The following RUNDC3B variants were observed in gnomAD, a reference collection of about 807,000 sequenced individuals.
RUNDC3B encodes RUN domain-containing protein 3B.
A neutral mutation model predicts 58.4 loss-of-function variants in RUNDC3B; 33 were observed. That is an observed-to-expected ratio of 0.56 (90% CI 0.43 to 0.75). The LOEUF (loss-of-function observed/expected upper bound fraction) is 0.75. Among genes scored for constraint, RUNDC3B ranks in the 30% least tolerant of loss-of-function variants. The pLI, the probability that RUNDC3B is intolerant of heterozygous loss-of-function variation, is 0.00. For missense variants in RUNDC3B, 501 were observed against 535.7 expected (o/e 0.94, Z 0.64); for synonymous variants, 193 against 195.2 (o/e 0.99, Z 0.10).
At chr7:87,760,824 A>C (rs1833639213) in intron 6 of RUNDC3B, among the ~76,000 whole-genome samples, 1 of 152,026 alleles carries the variant, frequency 6.6e-6, no homozygotes, top group Non-Finnish European at 1.5e-5. Flanking sequence ...TGCAAAAATT[A>C]ATTCAAAAAT....
At chr7:87,822,226 A>C (rs1563233484) in intron 10 of RUNDC3B, among the ~76,000 whole-genome samples, 1 of 152,238 alleles carries the variant, frequency 6.6e-6, no homozygotes, top group Non-Finnish European at 1.5e-5. Context: ...AAGTGGGCGA[A>C]GGACATGAAC....
intron 6 of RUNDC3B, among the ~76,000 whole-genome samples, chr7:87,760,254 C>A (rs964916806): frequency 1.3e-5 from 2 of 151,876 alleles, no homozygotes; most frequent in Non-Finnish European, 2.9e-5. Flanking sequence ...GACTGAGGAA[C>A]TGAATTTTTC....
chr7:87,742,494 T>C (rs1832382665), intron 6 of RUNDC3B, among the ~76,000 whole-genome samples: 1 of 152,120 alleles, frequency 6.6e-6, no homozygotes, highest in African/African-American at 2.4e-5. Flanking sequence ...CTTAGAATAA[T>C]AGTCTCCAAT....
chr7:87,776,110 T>C (rs1334860204), intron 7 of RUNDC3B, among the ~76,000 whole-genome samples: 2 of 152,068 alleles, frequency 1.3e-5, no homozygotes, highest in Non-Finnish European at 2.9e-5. Context: ...ATAAAACCAA[T>C]AGTAAGAACA....
chr7:87,774,283 ATACT>A (rs1169543950), intron 7 of RUNDC3B, among the ~76,000 whole-genome samples: 7 of 152,186 alleles, frequency 4.6e-5, no homozygotes, highest in Non-Finnish European at 1.0e-4. Flanking sequence ...ACTTGTAGAA[ATACT>A]TAGATATTTA....
chr7:87,681,910 C>T (rs1183098567), intron 2 of RUNDC3B, among the ~76,000 whole-genome samples: 1 of 152,184 alleles, frequency 6.6e-6, no homozygotes, highest in East Asian at 1.9e-4. Context: ...AGGTTTCTCT[C>T]TAGCATGCAA....
intron 7 of RUNDC3B, among the ~76,000 whole-genome samples, chr7:87,775,540 T>C (rs1834573554): frequency 6.6e-6 from 1 of 152,186 alleles, no homozygotes; most frequent in South Asian, 2.1e-4. Context: ...GTACAGTGTT[T>C]ATAAAGTCTA....
chr7:87,800,143 G>A (rs570579182), intron 8 of RUNDC3B, among the ~76,000 whole-genome samples: 1 of 152,232 alleles, frequency 6.6e-6, no homozygotes, highest in South Asian at 2.1e-4. Context: ...TTAGATTTCA[G>A]GGGTTAGATC....
chr7:87,708,312 T>G, intron 3 of RUNDC3B, among the ~76,000 whole-genome samples: 1 of 152,044 alleles, frequency 6.6e-6, no homozygotes. Flanking sequence ...AGAGGCCAAG[T>G]GTGTATATCT....
At chr7:87,678,460 C>G (rs1021947915) in intron 2 of RUNDC3B, among the ~76,000 whole-genome samples, 3 of 151,832 alleles carry the variant, frequency 2.0e-5, no homozygotes, top group Non-Finnish European at 4.4e-5. Flanking sequence ...TATAAAGATA[C>G]TAAGAGTTTT....
intron 4 of RUNDC3B, among the ~76,000 whole-genome samples, chr7:87,720,143 C>T (rs1583998056): frequency 6.6e-6 from 1 of 151,950 alleles, no homozygotes. Context: ...GAGGAAAAGA[C>T]TAAAAATTTG....
At chr7:87,690,977 AGG>A (rs748339346) in intron 2 of RUNDC3B, among the ~76,000 whole-genome samples, 2 of 152,154 alleles carry the variant, frequency 1.3e-5, no homozygotes, top group Non-Finnish European at 1.5e-5. Context: ...CAAAAGCTAA[AGG>A]TTTACTTTTT....
At chr7:87,629,299 G>A (rs1820963428) in intron 1 of RUNDC3B, 2 of 205,140 alleles carry the variant, frequency 9.7e-6, no homozygotes, top group African/African-American at 4.6e-5. Context: ...AGCGAGCTTT[G>A]GATAAAGTGG....
rs538797854 is a variant in RUNDC3B at position 87,822,343 on chromosome 7, G to A, written c.1225+6081G>A. 5.1e-3 allele frequency among the ~76,000 whole-genome samples: 773 copies of A among 152,242 alleles called. 2 individuals carry two copies. Among genetic ancestry groups the A allele is most frequent in the Middle Eastern group, 0.017 (5 of 294 alleles). On this transcript the variant is annotated intron_variant, in intron 10 of 10. Transcript: ENST00000394654. ...CAAGTCAAAACCACAATGAGATACC[G>A]TCTCACACCAGTTAGAATGGCGATC... is the stretch of plus-strand genomic sequence containing the variant.
intron 8 of RUNDC3B, among the ~76,000 whole-genome samples, chr7:87,791,900 C>G (rs1386182048): frequency 2.6e-5 from 4 of 152,006 alleles, no homozygotes; most frequent in Non-Finnish European, 4.4e-5. Context: ...AGACTAAACT[C>G]TCCAACGAAA....
At position 87,830,900 on chromosome 7, in the gene RUNDC3B, A is replaced by G. The variant is rs867897673; in HGVS notation, c.*870A>G. On this transcript the variant is annotated 3_prime_UTR_variant, in exon 11 of 11. Transcript: ENST00000394654. ...GCTTTTAAACAAGGATCAGTAGGAT[A>G]GTTATCATATTTACTTAATATATGT... The G allele has an allele frequency of 6.8e-6, 1 of 147,986 alleles. No individual in the cohort carries two copies. The highest frequency in any genetic ancestry group is 1.9e-4 in the East Asian group (1 of 5,198). The allele number at this position is 147,986 out of a possible 1,614,324, so 9.2% of individuals were successfully genotyped here. A position where few individuals can be genotyped will look rare whatever the true frequency, so the allele number is the denominator to read the frequency against.
chr7:87,652,826 T>C (rs968510987), intron 2 of RUNDC3B, among the ~76,000 whole-genome samples: 2 of 151,940 alleles, frequency 1.3e-5, no homozygotes, highest in Non-Finnish European at 2.9e-5. Context: ...TTTAGTTACA[T>C]AGCAACTAAT....
At chr7:87,663,356 G>A (rs753291187) in intron 2 of RUNDC3B, among the ~76,000 whole-genome samples, 3 of 151,880 alleles carry the variant, frequency 2.0e-5, no homozygotes, top group African/African-American at 7.3e-5. Context: ...CCATCTCGTT[G>A]TCCAGTTCAG....
intron 9 of RUNDC3B, among the ~76,000 whole-genome samples, chr7:87,808,296 T>C (rs560308815): frequency 1.3e-5 from 2 of 152,070 alleles, no homozygotes; most frequent in Non-Finnish European, 2.9e-5. Flanking sequence ...CTTTTTCCTA[T>C]CTCTTTTTGT....
Sources: gnomAD v4.1 joint callset for allele counts (sites outside exome capture counted in the v4.1 genomes callset) on GRCh38, gnomAD v4.1.1 for gene constraint, MANE v1.5 for transcripts, NCBI Gene and HGNC (gene_info 2026-07-23, HGNC 2026-07-21) for gene names.